The following EVA1C variants were observed in gnomAD, a reference collection of about 807,000 sequenced individuals.
EVA1C encodes eva-1 homolog C, also known as protein eva-1 homolog C.
A neutral mutation model predicts 45.4 loss-of-function variants in EVA1C; 25 were observed. The observed-to-expected ratio is 0.55, with a 90% CI of 0.40 to 0.77. EVA1C has a LOEUF of 0.77. Among genes scored for constraint, EVA1C ranks in the 30% least tolerant of loss-of-function variants. The probability of loss-of-function intolerance (pLI) is 0.00; values close to 1 mark genes in which losing one functional copy is unlikely to be tolerated. For missense variants in EVA1C, 479 were observed against 554.8 expected (o/e 0.86, Z 1.37); for synonymous variants, 190 against 221.2 (o/e 0.86, Z 1.25).
chr21:32,448,803 G>A (rs1289957475), intron 1 of EVA1C, among the ~76,000 whole-genome samples: 1 of 151,960 alleles, frequency 6.6e-6, no homozygotes, highest in East Asian at 1.9e-4. Flanking sequence ...TAGCTACTTG[G>A]GAGGCTGAGG....
intron 2 of EVA1C, among the ~76,000 whole-genome samples, chr21:32,455,238 G>C (rs932650327): frequency 6.6e-6 from 1 of 152,096 alleles, no homozygotes; most frequent in Non-Finnish European, 1.5e-5. Context: ...GAAGGGGCAA[G>C]AGAAGGAGAG....
At chr21:32,477,511 G>A (rs1359526224) in intron 4 of EVA1C, among the ~76,000 whole-genome samples, 2 of 152,108 alleles carry the variant, frequency 1.3e-5, no homozygotes, top group Non-Finnish European at 2.9e-5. Context: ...CCGGATGGTG[G>A]CTGGGGCTGC....
intron 1 of EVA1C, among the ~76,000 whole-genome samples, chr21:32,424,703 C>T (rs898123945): frequency 6.6e-6 from 1 of 152,214 alleles, no homozygotes; most frequent in East Asian, 1.9e-4. Context: ...CTCTGTGGAA[C>T]TGGTCACGGC....
chr21:32,475,879 T>TACTCTATCTATC lies in EVA1C; in HGVS notation c.634+8031_634+8032insACTCTATCTATC, dbSNP rs1555867880. On this transcript the variant is annotated intron_variant, in intron 4 of 7. Transcript: ENST00000300255. Reference sequence around the variant, plus strand: ...CTTCACAGAGTTCTTTCTAAAAACTTTATCTATCTATCTATCTATCTATCT... The same window carrying TACTCTATCTATC: ...CTTCACAGAGTTCTTTCTAAAAACTTACTCTATCTATCTATCTATCTATCTATCTATCTATCT... 4.4e-4 allele frequency among the ~76,000 whole-genome samples: 44 copies of TACTCTATCTATC among 100,536 alleles called. 1 individual carries two copies. Among genetic ancestry groups the TACTCTATCTATC allele is most frequent in the African/African-American group, 1.7e-3 (40 of 23,750 alleles). The allele number at this position is 100,536 out of a possible 152,430, so 66.0% of individuals were successfully genotyped here. A position where few individuals can be genotyped will look rare whatever the true frequency, so the allele number is the denominator to read the frequency against.
intron 1 of EVA1C, among the ~76,000 whole-genome samples, chr21:32,419,004 T>C (rs2034159133): frequency 6.6e-6 from 1 of 152,218 alleles, no homozygotes; most frequent in Non-Finnish European, 1.5e-5. Context: ...TTGCTTATAA[T>C]TAACATATAA....
intron 1 of EVA1C, among the ~76,000 whole-genome samples, chr21:32,430,933 A>T (rs1302592958): frequency 7.1e-6 from 1 of 141,684 alleles, no homozygotes; most frequent in Non-Finnish European, 1.5e-5. Context: ...AGATCACACC[A>T]CTGCACTCCA....
intron 1 of EVA1C, among the ~76,000 whole-genome samples, chr21:32,415,121 G>A (rs2033985285): frequency 6.6e-6 from 1 of 152,102 alleles, no homozygotes; most frequent in Non-Finnish European, 1.5e-5. Context: ...AACCCCATGT[G>A]GCCTCAAAGC....
At chr21:32,460,645 G>T (rs533412909) in intron 3 of EVA1C, among the ~76,000 whole-genome samples, 1 of 152,166 alleles carries the variant, frequency 6.6e-6, no homozygotes, top group African/African-American at 2.4e-5. Context: ...ATCCAGTCCC[G>T]TGGGGCCTGA....
At chr21:32,427,232 T>C (rs568019143) in intron 1 of EVA1C, among the ~76,000 whole-genome samples, 1 of 152,348 alleles carries the variant, frequency 6.6e-6, no homozygotes, top group Admixed American at 6.5e-5. Flanking sequence ...TAAATGAATA[T>C]GGCTTCCTGC....
intron 3 of EVA1C, among the ~76,000 whole-genome samples, chr21:32,467,441 G>A (rs578163666): frequency 1.4e-4 from 21 of 152,194 alleles, no homozygotes; most frequent in African/African-American, 4.6e-4. Context: ...CTTCCTTAAC[G>A]CCAGCACCTC....
chr21:32,431,253 C>A (rs2034691718), intron 1 of EVA1C, among the ~76,000 whole-genome samples: 1 of 152,218 alleles, frequency 6.6e-6, no homozygotes, highest in South Asian at 2.1e-4. Context: ...AGGGATCTGA[C>A]CCAACGTCTC....
rs60086580 is a variant in EVA1C, at chr21:32,444,053, A to AACACACAC, written c.161-9227_161-9220dup. Among the ~76,000 whole-genome samples the AACACACAC allele has an allele frequency of 3.7e-3, 514 of 140,032 alleles. 7 individuals carry two copies. Among genetic ancestry groups the AACACACAC allele is most frequent in the Admixed American group, 0.025 (349 of 13,872 alleles). The allele number at this position is 140,032 out of a possible 152,430, so 91.9% of individuals were successfully genotyped here. Reference sequence around the variant, plus strand: ...CCACTTCTGACACCAATTGTGTGAAAACACACACACACACACACACACACA... The same window carrying AACACACAC: ...CCACTTCTGACACCAATTGTGTGAAAACACACACACACACACACACACACACACACACA... On this transcript the variant is annotated intron_variant, in intron 1 of 7. Transcript: ENST00000300255.
intron 1 of EVA1C, among the ~76,000 whole-genome samples, chr21:32,419,442 C>T (rs2034175830): frequency 6.6e-6 from 1 of 152,230 alleles, no homozygotes; most frequent in Admixed American, 6.5e-5. Context: ...TGGCCGGGCA[C>T]TGTGGCTCAC....
intron 7 of EVA1C, among the ~76,000 whole-genome samples, chr21:32,504,884 T>G (rs1475876843): frequency 1.3e-5 from 2 of 151,948 alleles, no homozygotes; most frequent in African/African-American, 2.4e-5. Flanking sequence ...GAAAGAGGTT[T>G]AATGGACTCA....
At position 32,413,025 on chromosome 21, in the gene EVA1C, C is replaced by G; in HGVS notation, c.160+12C>G. Reference sequence around the variant, plus strand: ...CACCGACTTCTCTGGTAAGAGCGCCCTCCCTGGCTGTGTGCCCCCGGCACC... The same window carrying G: ...CACCGACTTCTCTGGTAAGAGCGCCGTCCCTGGCTGTGTGCCCCCGGCACC... On this transcript the variant is annotated intron_variant, in intron 1 of 7. Coordinates refer to ENST00000300255, the MANE Select transcript of EVA1C (RefSeq NM_058187.5). 7.2e-7 allele frequency: 1 copy of G among 1,396,214 alleles called. No individual in the cohort carries two copies. The highest frequency in any genetic ancestry group is 1.7e-5 in the South Asian group (1 of 57,674). The allele number at this position is 1,396,214 out of a possible 1,614,324, so 86.5% of individuals were successfully genotyped here. A position where few individuals can be genotyped will look rare whatever the true frequency, so the allele number is the denominator to read the frequency against.
At chr21:32,450,147 G>A (rs1486718722) in intron 1 of EVA1C, among the ~76,000 whole-genome samples, 1 of 152,234 alleles carries the variant, frequency 6.6e-6, no homozygotes, top group Non-Finnish European at 1.5e-5. Flanking sequence ...GCATGGATTG[G>A]AGGCTCAGGC....
intron 4 of EVA1C, among the ~76,000 whole-genome samples, chr21:32,475,108 T>A (rs530118965): frequency 1.2e-4 from 19 of 152,152 alleles, no homozygotes; most frequent in Non-Finnish European, 2.5e-4. Context: ...TTGTGGTGAG[T>A]CCTGGAACAT....
At chr21:32,475,923 C>CTATA (rs2036545932) in intron 4 of EVA1C, among the ~76,000 whole-genome samples, 2 of 150,536 alleles carry the variant, frequency 1.3e-5, no homozygotes, top group African/African-American at 4.9e-5. Context: ...ATCTATCTAT[C>CTATA]TATCTATATA....
chr21:32,458,253 C>G (rs1243135060), intron 3 of EVA1C, among the ~76,000 whole-genome samples: 2 of 152,148 alleles, frequency 1.3e-5, no homozygotes, highest in Non-Finnish European at 2.9e-5. Flanking sequence ...GGAGCCATCT[C>G]TTTTATTCTG....
Sources: allele counts gnomAD v4.1 joint callset (sites outside exome capture counted in the v4.1 genomes callset), GRCh38; gene constraint gnomAD v4.1.1; transcripts MANE v1.5; gene names NCBI Gene and HGNC (gene_info 2026-07-23, HGNC 2026-07-21).